The following MAN1A2 variants were observed in gnomAD, a reference collection of about 807,000 sequenced individuals.
MAN1A2 encodes mannosyl-oligosaccharide 1,2-alpha-mannosidase IB.
MAN1A2 carries 26 observed loss-of-function variants against 75.7 expected under a neutral mutation model. The observed-to-expected ratio is 0.34, with a 90% confidence interval of 0.25 to 0.48. MAN1A2 has a LOEUF of 0.48. Among genes scored for constraint, MAN1A2 ranks in the 20% least tolerant of loss-of-function variants. The pLI is 0.99. For synonymous variants in MAN1A2, 247 were observed against 264.6 expected, an observed-to-expected ratio of 0.93 and a Z score of 0.65; for missense variants, 562 against 775.5, an observed-to-expected ratio of 0.72 and a Z score of 3.27.
At chr1:117,430,251 CG>C (rs1229904475) in intron 5 of MAN1A2, among the ~76,000 whole-genome samples, 1 of 129,666 alleles carries the variant, frequency 7.7e-6, no homozygotes, top group Non-Finnish European at 1.7e-5. Flanking sequence ...GCTGGCCAGG[CG>C]GGGGGCTGAA....
intron 1 of MAN1A2, among the ~76,000 whole-genome samples, chr1:117,398,411 T>C (rs574561734): frequency 3.9e-5 from 6 of 152,214 alleles, no homozygotes; most frequent in African/African-American, 1.2e-4. Flanking sequence ...CGGTGGCTCA[T>C]GCCTGTAATC....
chr1:117,471,255 T>G (rs570785271), intron 8 of MAN1A2, among the ~76,000 whole-genome samples: 1 of 152,046 alleles, frequency 6.6e-6, no homozygotes, highest in East Asian at 1.9e-4. Flanking sequence ...ATTTAACTTC[T>G]CTATGCATCT....
At chr1:117,464,185 G>C (rs1419560087) in intron 7 of MAN1A2, among the ~76,000 whole-genome samples, 1 of 151,408 alleles carries the variant, frequency 6.6e-6, no homozygotes, top group Non-Finnish European at 1.5e-5. Flanking sequence ...GGGCAACATG[G>C]TGAAACCACT....
intron 3 of MAN1A2, among the ~76,000 whole-genome samples, chr1:117,406,434 C>T (rs1647617237): frequency 6.6e-6 from 1 of 152,158 alleles, no homozygotes; most frequent in Non-Finnish European, 1.5e-5. Flanking sequence ...ATTTTATTAC[C>T]TGTAGTAAAC....
chr1:117,499,415 A>G lies in MAN1A2; in HGVS notation c.1538A>G (p.Asp513Gly). The G allele has an allele frequency of 1.3e-6, 2 of 1,597,442 alleles. No homozygotes were observed. Among genetic ancestry groups the G allele is most frequent in the Non-Finnish European group, 1.7e-6 (2 of 1,172,530 alleles). ...CTAGGTCCTGAATCATTCAAGTTTG[A>G]TGGTGCAGTGGAGGCTGTGGCTGTC... ...LKLGPESFKFDGAVEAVAVRQ... is the reference protein window; with the variant it reads ...LKLGPESFKFGGAVEAVAVRQ... Residue 513 changes from aspartate (D) to glycine (G), a missense_variant, in exon 11 of 13, where the codon GAT (aspartate) becomes GGT (glycine). Physicochemically the swap from Asp to Gly is moderately conservative, Grantham distance 94. This residue lies in a region of MAN1A2 where 434 missense variants were observed against 645.7 expected (regional missense o/e 0.67). Coordinates refer to ENST00000356554, the MANE Select transcript of MAN1A2 (RefSeq NM_006699.5).
chr1:117,423,344 A>G (rs1648258500), intron 5 of MAN1A2, among the ~76,000 whole-genome samples: 2 of 152,084 alleles, frequency 1.3e-5, no homozygotes, highest in African/African-American at 4.8e-5. Context: ...TCCTTTTCAA[A>G]ATTGTTGTGG....
At chr1:117,482,563 A>T (rs1368748734) in intron 8 of MAN1A2, among the ~76,000 whole-genome samples, 21 of 152,002 alleles carry the variant, frequency 1.4e-4, no homozygotes, top group Non-Finnish European at 1.5e-5. Context: ...GTCTGTTCAT[A>T]TCCTTTGCCC....
chr1:117,478,526 T>C (rs564961196), intron 8 of MAN1A2, among the ~76,000 whole-genome samples: 1 of 152,012 alleles, frequency 6.6e-6, no homozygotes, highest in Non-Finnish European at 1.5e-5. Flanking sequence ...GATTTCTTCC[T>C]ATGTTTTCTT....
chr1:117,515,392 G>A (rs1259338160), intron 12 of MAN1A2: 2 of 152,090 alleles, frequency 1.3e-5, no homozygotes, highest in Non-Finnish European at 2.9e-5. Context: ...TAGATACTGA[G>A]GGACAACTGT....
At chr1:117,500,899 A>C (rs1329994578) in intron 11 of MAN1A2, among the ~76,000 whole-genome samples, 1 of 151,838 alleles carries the variant, frequency 6.6e-6, no homozygotes, top group East Asian at 1.9e-4. Flanking sequence ...GCACTCTTTC[A>C]TGTAAGGGAA....
At chr1:117,390,292 T>C (rs1439239022) in intron 1 of MAN1A2, among the ~76,000 whole-genome samples, 1 of 152,082 alleles carries the variant, frequency 6.6e-6, no homozygotes, top group East Asian at 1.9e-4. Context: ...GTTTTAACTA[T>C]ACATTCAGTT....
intron 1 of MAN1A2, among the ~76,000 whole-genome samples, chr1:117,382,258 A>G (rs946976231): frequency 5.3e-5 from 8 of 152,198 alleles, no homozygotes; most frequent in African/African-American, 1.9e-4. Context: ...GTCCTTGCCC[A>G]TGCCTATGTC....
intron 1 of MAN1A2, among the ~76,000 whole-genome samples, chr1:117,373,146 C>T (rs931109261): frequency 8.0e-5 from 12 of 150,314 alleles, no homozygotes; most frequent in Admixed American, 3.3e-4. Flanking sequence ...TGTTATGATT[C>T]GTGTTTTTTT....
chr1:117,393,464 A>G (rs1302294910), intron 1 of MAN1A2, among the ~76,000 whole-genome samples: 3 of 150,110 alleles, frequency 2.0e-5, no homozygotes, highest in Non-Finnish European at 4.4e-5. Context: ...TATTTATATA[A>G]CTGCTTCAAC....
intron 1 of MAN1A2, among the ~76,000 whole-genome samples, chr1:117,401,574 T>G (rs972937736): frequency 6.6e-6 from 1 of 152,138 alleles, no homozygotes; most frequent in Non-Finnish European, 1.5e-5. Flanking sequence ...CAAATCTGTG[T>G]GTACACCAGA....
At chr1:117,401,634 C>G (rs1340452734) in intron 1 of MAN1A2, among the ~76,000 whole-genome samples, 3 of 152,098 alleles carry the variant, frequency 2.0e-5, no homozygotes, top group African/African-American at 4.8e-5. Flanking sequence ...TCATATAGAC[C>G]TACTAAATTG....
chr1:117,491,854 G>A (rs2101872144), intron 8 of MAN1A2, among the ~76,000 whole-genome samples: 1 of 152,150 alleles, frequency 6.6e-6, no homozygotes, highest in African/African-American at 2.4e-5. Flanking sequence ...CTCAAGTGGA[G>A]GAAGTAACTG....
In MAN1A2 at chr1:117,420,612, G is replaced by C; in HGVS notation, c.818G>C (p.Gly273Ala). 6.2e-7 allele frequency: 1 copy of C among 1,613,040 alleles called. No homozygotes were observed. The highest frequency in any genetic ancestry group is 8.5e-7 in the Non-Finnish European group (1 of 1,179,280). ...TTTGAAGTCAACATTCGATTTATTG[G>C]AGGCCTACTTGCAGCATATTACCTA... is the stretch of plus-strand genomic sequence containing the variant. ...SVFEVNIRFIGGLLAAYYLSG... is the reference protein window; with the variant it reads ...SVFEVNIRFIAGLLAAYYLSG... The change falls in exon 5 of 13, where the codon GGA becomes GCA. Residue 273 changes from glycine (G) to alanine (A), a missense_variant. By Grantham distance (60) the Gly-to-Ala change is moderately conservative (BLOSUM62 0). Around this residue, in one of 2 missense-constraint regions of MAN1A2, gnomAD observed 434 missense variants for 645.7 expected, o/e 0.67. Coordinates refer to ENST00000356554, the MANE Select transcript of MAN1A2 (RefSeq NM_006699.5).
intron 1 of MAN1A2, among the ~76,000 whole-genome samples, chr1:117,384,431 A>G (rs1269305697): frequency 6.6e-6 from 1 of 152,144 alleles, no homozygotes; most frequent in Non-Finnish European, 1.5e-5. Context: ...TATTATTAAT[A>G]TCTAACTTCA....
Sources: allele counts gnomAD v4.1 joint callset (sites outside exome capture counted in the v4.1 genomes callset), GRCh38; gene constraint gnomAD v4.1.1; regional missense constraint gnomAD v4.1.1; transcripts MANE v1.5; gene names NCBI Gene and HGNC (gene_info 2026-07-23, HGNC 2026-07-21).